AFF2: variants seen among roughly 807,000 people sequenced by gnomAD.
The protein encoded by AFF2 is AF4/FMR2 family member 2.
In AFF2, 14 loss-of-function variants were observed where a neutral mutation model predicts 76.9. The observed-to-expected ratio is 0.18, with a 90% confidence interval of 0.12 to 0.28. The LOEUF (loss-of-function observed/expected upper bound fraction) is 0.28. Among genes scored for constraint, AFF2 ranks in the 10% least tolerant of loss-of-function variants. The pLI is 1.00. For missense variants in AFF2, 868 were observed against 1,001.1 expected, an observed-to-expected ratio of 0.87 and a Z score of 1.79; for synonymous variants, 398 against 366.7, an observed-to-expected ratio of 1.09 and a Z score of -0.98.
At chrX:148,660,766 T>C (rs2054296692) in intron 2 of AFF2, among the ~76,000 whole-genome samples, 2 of 112,245 alleles carry the variant, frequency 1.8e-5, no homozygotes, top group Admixed American at 1.9e-4. Flanking sequence ...TGGGCCAGGA[T>C]AGTGCAGCCT....
At chrX:148,558,232 CT>C (rs1415684330) in intron 1 of AFF2, among the ~76,000 whole-genome samples, 1 of 111,690 alleles carries the variant, frequency 9.0e-6, no homozygotes, top group Non-Finnish European at 1.9e-5. Context: ...TTGTCTTTTC[CT>C]TTTCTATTTT....
chrX:148,791,434 C>T (rs782420583), intron 3 of AFF2, among the ~76,000 whole-genome samples: 15 of 111,990 alleles, frequency 1.3e-4, no homozygotes, highest in Admixed American at 2.8e-4. Flanking sequence ...AAATTAACTC[C>T]CACCAGGTCC....
intron 4 of AFF2, among the ~76,000 whole-genome samples, chrX:148,834,609 T>C (rs949155187): frequency 9.1e-6 from 1 of 110,360 alleles, no homozygotes; most frequent in Non-Finnish European, 1.9e-5. Context: ...GTACTCATCA[T>C]TGGATCCTGT....
chrX:148,621,289 A>AAT (rs1435361910), intron 1 of AFF2, among the ~76,000 whole-genome samples: 6 of 111,632 alleles, frequency 5.4e-5, no homozygotes, highest in African/African-American at 1.3e-4. Flanking sequence ...TAATGTGTAT[A>AAT]ATATATATAT....
chrX:148,576,444 A>C lies in AFF2; in HGVS notation c.47+75300A>C, dbSNP rs145636726. ...TTTTGTTCTGAGGAGTTTAAATAAT[A>C]CTGCTTAATGCTATCAGGATGATGT... is the stretch of plus-strand genomic sequence containing the variant. On this transcript the variant is annotated intron_variant, in intron 1 of 20. Transcript: ENST00000370460. Among the ~76,000 whole-genome samples the C allele has an allele frequency of 8.6e-3, 966 of 111,879 alleles. 11 individuals carry two copies. Among genetic ancestry groups the C allele is most frequent in the African/African-American group, 0.031 (940 of 30,779 alleles).
intron 4 of AFF2, among the ~76,000 whole-genome samples, chrX:148,821,207 G>A (rs781911845): frequency 9.0e-6 from 1 of 111,570 alleles, no homozygotes; most frequent in South Asian, 3.8e-4. Flanking sequence ...GAGATAATAT[G>A]CCCTAATTCT....
rs200851333 is a variant in AFF2 at position 148,977,914 on chromosome X, T to A, written c.3405-19T>A. 2 of 1,163,631 alleles carry A rather than the reference T, an allele frequency of 1.7e-6. No homozygotes were observed. The highest frequency in any genetic ancestry group is 6.0e-5 in the East Asian group (2 of 33,604). ...AGGGTAATACAGATTCCACTTTAGC[T>A]TTTCTTTTCTCTTCAAAGGTATGCA... On this transcript the variant is annotated intron_variant, in intron 16 of 20. Coordinates refer to ENST00000370460, the MANE Select transcript of AFF2 (RefSeq NM_002025.4).
At chrX:148,843,351 A>G in intron 6 of AFF2, 31 bp from the exon 7 acceptor site, 1 of 1,156,662 alleles carries the variant, frequency 8.6e-7, no homozygotes. Context: ...TAGGAACATG[A>G]ACAGTAATTG....
chrX:148,584,677 T>G (rs2053448634), intron 1 of AFF2, among the ~76,000 whole-genome samples: 1 of 107,820 alleles, frequency 9.3e-6, no homozygotes, highest in Admixed American at 1.0e-4. Context: ...TGCCTCACCC[T>G]CCTGAGTAGC....
chrX:148,614,693 T>TTTTCTTTC (rs548569376), intron 1 of AFF2, among the ~76,000 whole-genome samples: 597 of 56,022 alleles, frequency 0.011, 10 homozygotes, highest in African/African-American at 0.028. Context: ...TCCTTCTTTC[T>TTTTCTTTC]TTTCTTTCTT....
At chrX:148,854,505 G>GAA (rs1439415696) in intron 7 of AFF2, among the ~76,000 whole-genome samples, 1 of 111,454 alleles carries the variant, frequency 9.0e-6, no homozygotes, top group African/African-American at 3.3e-5. Flanking sequence ...ATCTATCCCA[G>GAA]AAAAACCCCA....
At chrX:148,983,962 A>AAAAAAAAAAAAAAAAAAAC (rs2072429627) in intron 19 of AFF2, among the ~76,000 whole-genome samples, 1 of 101,275 alleles carries the variant, frequency 9.9e-6, no homozygotes, top group Non-Finnish European at 2.0e-5. Flanking sequence ...ACAAAAAAAA[A>AAAAAAAAAAAAAAAAAAAC]AAAAAACTGC....
chrX:148,950,946 G>A (rs782769546), intron 9 of AFF2, among the ~76,000 whole-genome samples: 62 of 111,417 alleles, frequency 5.6e-4, no homozygotes, highest in African/African-American at 1.9e-3. Flanking sequence ...CTGTTGTAAA[G>A]ATATTTATTT....
chrX:148,529,773 C>T (rs2052708808), intron 1 of AFF2, among the ~76,000 whole-genome samples: 1 of 111,553 alleles, frequency 9.0e-6, no homozygotes, highest in Non-Finnish European at 1.9e-5. Flanking sequence ...TCTGGAAAAC[C>T]CACCCATATT....
intron 3 of AFF2, among the ~76,000 whole-genome samples, chrX:148,760,422 C>CT (rs1412488058): frequency 3.6e-5 from 4 of 112,594 alleles, no homozygotes; most frequent in Non-Finnish European, 5.6e-5. Context: ...TACTACCTTT[C>CT]TTTCTTCTTT....
intron 3 of AFF2, among the ~76,000 whole-genome samples, chrX:148,772,521 CTTTTT>C (rs1557268181): frequency 6.6e-4 from 57 of 86,941 alleles, no homozygotes; most frequent in Non-Finnish European, 1.0e-3. Context: ...TTTTTTCTTT[CTTTTT>C]TTTCTTTCTT....
chrX:148,701,021 T>A (rs868930357), intron 3 of AFF2, among the ~76,000 whole-genome samples: 16 of 106,129 alleles, frequency 1.5e-4, no homozygotes, highest in African/African-American at 4.9e-4. Flanking sequence ...AATGTGTGTG[T>A]GTGTGTGTGT....
chrX:148,664,167 AC>A (rs1439395382), intron 3 of AFF2, among the ~76,000 whole-genome samples: 3 of 111,182 alleles, frequency 2.7e-5, no homozygotes, highest in Non-Finnish European at 5.7e-5. Flanking sequence ...GGCAGATCTG[AC>A]CATGTCACTC....
At chrX:148,504,977 T>G (rs2124182507) in intron 1 of AFF2, among the ~76,000 whole-genome samples, 2 of 48,666 alleles carry the variant, frequency 4.1e-5, no homozygotes, top group African/African-American at 8.8e-5. Flanking sequence ...AGGGCTGTGG[T>G]GGGGTGGGGG....
Sources: allele counts gnomAD v4.1 joint callset (sites outside exome capture counted in the v4.1 genomes callset), GRCh38; gene constraint gnomAD v4.1.1; transcripts MANE v1.5; gene names NCBI Gene and HGNC (gene_info 2026-07-23, HGNC 2026-07-21).